The following ACYP2 variants were observed in gnomAD, a reference collection of about 807,000 sequenced individuals.
The protein encoded by ACYP2 is acylphosphatase-2.
ACYP2 carries 12 observed loss-of-function variants against 11.2 expected under a neutral mutation model. The observed-to-expected ratio is 1.08, with a 90% CI of 0.69 to 1.74. The LOEUF (loss-of-function observed/expected upper bound fraction) is 1.74. Ranked by LOEUF, ACYP2 falls within the 40% of genes most tolerant of loss-of-function variation. The probability of loss-of-function intolerance (pLI) is 0.00; values close to 1 mark genes in which losing one functional copy is unlikely to be tolerated. For missense variants in ACYP2, 134 were observed against 101.9 expected (o/e 1.31, Z -1.35); for synonymous variants, 43 against 32.2 (o/e 1.33, Z -1.13).
chr2:53,992,032 T>G (rs1672322360), intron 2 of ACYP2, among the ~76,000 whole-genome samples: 1 of 151,814 alleles, frequency 6.6e-6, no homozygotes, highest in African/African-American at 2.4e-5. Context: ...CTTTCCCTCC[T>G]TCCTTCCTCC....
intron 6 of ACYP2, among the ~76,000 whole-genome samples, chr2:54,209,852 T>C (rs1480688524): frequency 6.6e-6 from 1 of 151,956 alleles, no homozygotes; most frequent in Non-Finnish European, 1.5e-5. Context: ...AAATAAAATT[T>C]AAATCAAGGC....
At chr2:54,137,085 T>A (rs1024441435) in intron 5 of ACYP2, among the ~76,000 whole-genome samples, 1 of 152,138 alleles carries the variant, frequency 6.6e-6, no homozygotes, top group Non-Finnish European at 1.5e-5. Context: ...ATAACTGAAT[T>A]TGGAGCTAGA....
chr2:54,115,796 G>A (rs748565112), intron 4 of ACYP2, 40 bp downstream of exon 1: 39 of 1,545,672 alleles, frequency 2.5e-5, no homozygotes, highest in Admixed American at 1.6e-4. Flanking sequence ...AAAAGGTTAT[G>A]GGAGGAAGGG....
intron 6 of ACYP2, among the ~76,000 whole-genome samples, chr2:54,223,495 T>C (rs1685884248): frequency 6.6e-6 from 1 of 152,218 alleles, no homozygotes; most frequent in Non-Finnish European, 1.5e-5. Context: ...TTTTAGGAGC[T>C]TGAAAACTTG....
At chr2:54,213,063 G>GAT (rs1312449515) in intron 6 of ACYP2, among the ~76,000 whole-genome samples, 1 of 152,118 alleles carries the variant, frequency 6.6e-6, no homozygotes, top group African/African-American at 2.4e-5. Context: ...CCTAGTACCT[G>GAT]ATAGTTTTTC....
Position 54,044,667 on chromosome 2 carries a change from G to A in ACYP2, c.63-6291G>A, listed in dbSNP as rs781678589. ...TTAATCAGGACCCTACAATTACAAGGATATGAGGCCTTTTCCCATAATCAG... is the reference window on the plus strand; with the variant it reads ...TTAATCAGGACCCTACAATTACAAGAATATGAGGCCTTTTCCCATAATCAG... On this transcript the variant is annotated intron_variant, in intron 2 of 6. Coordinates refer to ENST00000607452, the MANE Select transcript of ACYP2 (RefSeq NM_001320586.2). 2.6e-4 allele frequency among the ~76,000 whole-genome samples: 39 copies of A among 152,154 alleles called. No homozygotes were observed. The Middle Eastern group carries it at 0.017, about 66-fold the overall frequency.
intron 3 of ACYP2, among the ~76,000 whole-genome samples, chr2:54,054,483 A>T (rs1275379773): frequency 6.6e-6 from 1 of 152,130 alleles, no homozygotes; most frequent in African/African-American, 2.4e-5. Context: ...ATTTTCTTGA[A>T]TGTTCTGTTC....
At chr2:53,985,214 C>T (rs569544185) in intron 2 of ACYP2, among the ~76,000 whole-genome samples, 6 of 151,914 alleles carry the variant, frequency 3.9e-5, no homozygotes, top group Admixed American at 3.9e-4. Flanking sequence ...GAACTACAGG[C>T]GCCTGCCGCC....
chr2:54,196,510 C>T (rs1326826249), intron 6 of ACYP2, among the ~76,000 whole-genome samples: 1 of 152,154 alleles, frequency 6.6e-6, no homozygotes, highest in African/African-American at 2.4e-5. Context: ...GTGATTATTT[C>T]AATTTTTTTT....
At chr2:54,102,323 ATGAGAGACACT>A (rs1467317625) in intron 4 of ACYP2, among the ~76,000 whole-genome samples, 3 of 152,188 alleles carry the variant, frequency 2.0e-5, no homozygotes, top group African/African-American at 7.2e-5. Context: ...CATTGTTACA[ATGAGAGACACT>A]TGTTAGAGAC....
intron 6 of ACYP2, among the ~76,000 whole-genome samples, chr2:54,156,059 T>C (rs375460465): frequency 6.6e-6 from 1 of 152,210 alleles, no homozygotes; most frequent in South Asian, 2.1e-4. Flanking sequence ...GGCACTGTTT[T>C]TGGTACCTGA....
chr2:54,286,256 T>C (rs1689073622), intron 6 of ACYP2, among the ~76,000 whole-genome samples: 1 of 151,994 alleles, frequency 6.6e-6, no homozygotes, highest in Non-Finnish European at 1.5e-5. Context: ...ATCCACTGTT[T>C]ACCCTCGTGA....
At chr2:54,114,465 C>T (rs1192104237) in intron 4 of ACYP2, among the ~76,000 whole-genome samples, 1 of 151,332 alleles carries the variant, frequency 6.6e-6, no homozygotes, top group Non-Finnish European at 1.5e-5. Context: ...AGGTGGATCA[C>T]CTGAGGTCAG....
intron 6 of ACYP2, among the ~76,000 whole-genome samples, chr2:54,267,058 A>G (rs1337452885): frequency 6.6e-6 from 1 of 152,212 alleles, no homozygotes; most frequent in Non-Finnish European, 1.5e-5. Context: ...AGGGTTAGTA[A>G]TTCTTATCTC....
At chr2:54,287,860 A>G (rs1400436527) in intron 6 of ACYP2, among the ~76,000 whole-genome samples, 1 of 152,026 alleles carries the variant, frequency 6.6e-6, no homozygotes, top group African/African-American at 2.4e-5. Flanking sequence ...TAAGCTGGCT[A>G]AACAGTGTTT....
At chr2:54,225,482 C>A in intron 6 of ACYP2, among the ~76,000 whole-genome samples, 1 of 151,960 alleles carries the variant, frequency 6.6e-6, no homozygotes, top group East Asian at 1.9e-4. Flanking sequence ...TCAGCATGAT[C>A]TTCTTTACAG....
intron 2 of ACYP2, among the ~76,000 whole-genome samples, chr2:53,983,984 A>G (rs1407668669): frequency 6.6e-6 from 1 of 152,170 alleles, no homozygotes; most frequent in African/African-American, 2.4e-5. Context: ...AAGGTGCTGG[A>G]TGCTGGGGGT....
intron 3 of ACYP2, among the ~76,000 whole-genome samples, chr2:54,053,795 A>G (rs1675986522): frequency 6.6e-6 from 1 of 152,218 alleles, no homozygotes; most frequent in South Asian, 2.1e-4. Flanking sequence ...TCACTCTCCT[A>G]TCTTTCTTTA....
intron 4 of ACYP2, chr2:54,115,670 G>A (rs778095924): frequency 1.9e-6 from 3 of 1,606,386 alleles, no homozygotes; most frequent in East Asian, 2.2e-5. Flanking sequence ...GCCCCTCTCC[G>A]GCTCCTCAAC....
Sources: gnomAD v4.1 joint callset for allele counts (sites outside exome capture counted in the v4.1 genomes callset) on GRCh38, gnomAD v4.1.1 for gene constraint, MANE v1.5 for transcripts, NCBI Gene and HGNC (gene_info 2026-07-23, HGNC 2026-07-21) for gene names.